The following ITFG2 variants were observed in gnomAD, a reference collection of about 807,000 sequenced individuals.
ITFG2 encodes the protein KICSTOR complex protein ITFG2.
ITFG2 carries 36 observed loss-of-function variants against 54.4 expected under a neutral mutation model. That is an observed-to-expected ratio of 0.66 (90% CI 0.51 to 0.87). The LOEUF is 0.87. ITFG2 is among the 40% of genes least tolerant of loss of function. ITFG2 has a pLI of 0.00. For synonymous variants in ITFG2, 211 were observed against 225.4 expected (o/e 0.94, Z 0.57); for missense variants, 524 against 576.7 (o/e 0.91, Z 0.94).
At chr12:2,857,452 C>G (rs1360175624) in intron 2 of ITFG2, 1 of 230,898 alleles carries the variant, frequency 4.3e-6, no homozygotes, top group South Asian at 7.0e-5. Context: ...TCCCAAGGAA[C>G]AAGGTCAGAG....
intron 3 of ITFG2, chr12:2,858,372 G>C (rs28919871): frequency 2.2e-5 from 10 of 445,784 alleles, no homozygotes; most frequent in African/African-American, 1.6e-4. Flanking sequence ...AGGCTGGGGG[G>C]TTCCTAATCT....
At chr12:2,822,653 T>C in intron 9 of ITFG2, 141 bp from the exon 10 acceptor site, 1 of 714,522 alleles carries the variant, frequency 1.4e-6, no homozygotes, top group Non-Finnish European at 2.5e-6. Flanking sequence ...AGGGTGGCTG[T>C]GAGCATTATG....
At chr12:2,822,506 G>A (rs762754291) in intron 9 of ITFG2, among the ~76,000 whole-genome samples, 1 of 152,160 alleles carries the variant, frequency 6.6e-6, no homozygotes, top group Non-Finnish European at 1.5e-5. Flanking sequence ...TTGCCATCAG[G>A]CATGCTTGTT....
chr12:2,858,957 T>C (rs764617916), intron 3 of ITFG2: 5 of 1,613,268 alleles, frequency 3.1e-6, no homozygotes, highest in Non-Finnish European at 3.4e-6. Context: ...GGTGCTGAGA[T>C]CCATCAGCCC....
intron 2 of ITFG2, chr12:2,849,247 C>A: frequency 6.5e-7 from 1 of 1,535,888 alleles, no homozygotes; most frequent in South Asian, 1.2e-5. Context: ...GTGTCCAGGT[C>A]TTCTCTTCCT....
chr12:2,847,511 C>T (rs10848712), intron 2 of ITFG2, among the ~76,000 whole-genome samples: 24,352 of 152,016 alleles, frequency 0.16, 2,091 homozygotes, highest in South Asian at 0.33. Flanking sequence ...ACTAAAAATA[C>T]AAAAAATTAG....
At chr12:2,820,040 GC>G in intron 4 of ITFG2, 45 bp from the exon 5 acceptor site, 1 of 1,566,668 alleles carries the variant, frequency 6.4e-7, no homozygotes, top group Non-Finnish European at 8.6e-7. Context: ...AGGAGCGGGG[GC>G]TGCTCGTGGG....
intron 2 of ITFG2, chr12:2,857,072 C>G (rs1439251776): frequency 8.5e-6 from 6 of 702,668 alleles, no homozygotes; most frequent in Non-Finnish European, 1.6e-5. Context: ...TGGGGAAGCC[C>G]TTTCTGGCAC....
At chr12:2,856,409 G>C (rs2098087434) in intron 2 of ITFG2, among the ~76,000 whole-genome samples, 1 of 152,170 alleles carries the variant, frequency 6.6e-6, no homozygotes, top group Admixed American at 6.5e-5. Context: ...TTGTTACCCA[G>C]GCTGGAGGTG....
chr12:2,826,746 T>C (rs1390450435), downstream of ITFG2: 2 of 194,148 alleles, frequency 1.0e-5, no homozygotes, highest in Non-Finnish European at 2.1e-5. Context: ...GGGACATAGG[T>C]TGGTGAGGCA....
At chr12:2,818,448 T>C (rs1326344502) in intron 4 of ITFG2, 171 bp downstream of exon 4, 1 of 1,372,438 alleles carries the variant, frequency 7.3e-7, no homozygotes, top group Non-Finnish European at 9.8e-7. Context: ...ATTGCCATAG[T>C]GAATAAATAG....
At chr12:2,849,610 T>G in intron 2 of ITFG2, 2 of 1,436,156 alleles carry the variant, frequency 1.4e-6, no homozygotes, top group South Asian at 1.3e-5. Flanking sequence ...GGAAGGGTGA[T>G]GCCGCTGTCC....
chr12:2,858,933 CT>C (rs1335518564), intron 3 of ITFG2: 1 of 1,613,588 alleles, frequency 6.2e-7, no homozygotes, highest in Non-Finnish European at 8.5e-7. Flanking sequence ...GGGGGGAGCA[CT>C]TTGCAAGGGA....
chr12:2,818,741 G>C (rs2097930789), intron 4 of ITFG2: 4 of 193,806 alleles, frequency 2.1e-5, no homozygotes, highest in Middle Eastern at 2.3e-3. Context: ...TACACGGCCA[G>C]ACGTGATGGC....
intron 2 of ITFG2, among the ~76,000 whole-genome samples, chr12:2,854,720 G>A (rs974865724): frequency 9.9e-5 from 15 of 152,200 alleles, no homozygotes; most frequent in Admixed American, 7.2e-4. Context: ...GCCTCCACTC[G>A]CTGTTCCTCC....
intron 2 of ITFG2, among the ~76,000 whole-genome samples, chr12:2,856,605 C>T (rs948864799): frequency 5.9e-5 from 9 of 152,316 alleles, no homozygotes; most frequent in South Asian, 2.1e-4. Flanking sequence ...TCAGGTGAAC[C>T]GTTCCCCTCG....
At chr12:2,835,121 G>T (rs7304390), upstream of ITFG2, 5 of 1,435,276 alleles carry the variant, frequency 3.5e-6, no homozygotes, top group South Asian at 1.5e-5. Flanking sequence ...CATCCCCAAC[G>T]CTGGGGTCCT....
chr12:2,820,533 G>A (rs1274128206), intron 5 of ITFG2, among the ~76,000 whole-genome samples, 191 bp from the exon 6 acceptor site: 1 of 151,978 alleles, frequency 6.6e-6, no homozygotes, highest in Non-Finnish European at 1.5e-5. Context: ...TGGAGAGGAC[G>A]GTGCCAGGCA....
upstream of ITFG2, among the ~76,000 whole-genome samples, chr12:2,836,029 G>T (rs1014339598): frequency 6.6e-6 from 1 of 152,236 alleles, no homozygotes; most frequent in Non-Finnish European, 1.5e-5. Context: ...TTGAGGAAAT[G>T]TAGGTTATTT....
Sources: gnomAD v4.1 joint callset for allele counts (sites outside exome capture counted in the v4.1 genomes callset) on GRCh38, gnomAD v4.1.1 for gene constraint, MANE v1.5 for transcripts, NCBI Gene and HGNC (gene_info 2026-07-23, HGNC 2026-07-21) for gene names.